CDH18: variants seen among roughly 807,000 people sequenced by gnomAD.
CDH18 encodes the protein cadherin-18.
Under a neutral mutation model 67.9 loss-of-function variants are expected in CDH18, and 31 were observed. The observed-to-expected ratio is 0.46, with a 90% CI of 0.34 to 0.62. The LOEUF (loss-of-function observed/expected upper bound fraction) is 0.62. Among genes scored for constraint, CDH18 ranks in the 20% least tolerant of loss-of-function variants. CDH18 has a pLI of 0.01. For missense variants in CDH18, 890 were observed against 975.5 expected (o/e 0.91, Z 1.17); for synonymous variants, 362 against 347.2 (o/e 1.04, Z -0.48).
intron 5 of CDH18, among the ~76,000 whole-genome samples, chr5:19,688,489 A>C (rs974546480): frequency 2.0e-5 from 3 of 152,180 alleles, no homozygotes; most frequent in Non-Finnish European, 2.9e-5. Context: ...ACCCATAATC[A>C]AATTTAAAGT....
chr5:19,885,055 T>C (rs1788055567), intron 2 of CDH18, among the ~76,000 whole-genome samples: 1 of 152,218 alleles, frequency 6.6e-6, no homozygotes, highest in African/African-American at 2.4e-5. Context: ...CATACATTTA[T>C]CCCACCTCCT....
intron 2 of CDH18, among the ~76,000 whole-genome samples, chr5:20,135,538 A>G (rs1749633110): frequency 6.6e-6 from 1 of 152,126 alleles, no homozygotes. Context: ...TTTCCAAAAA[A>G]CCAGCTCCTA....
intron 2 of CDH18, among the ~76,000 whole-genome samples, chr5:20,073,524 T>C (rs1233999949): frequency 6.6e-6 from 1 of 152,100 alleles, no homozygotes; most frequent in Non-Finnish European, 1.5e-5. Context: ...AGTAATGGGA[T>C]GTTTACTTAA....
chr5:19,812,839 T>C (rs181639811), intron 3 of CDH18, among the ~76,000 whole-genome samples: 81 of 152,174 alleles, frequency 5.3e-4, no homozygotes, highest in South Asian at 1.0e-3. Context: ...CACAAGTACA[T>C]GTATGTTTAT....
chr5:20,469,466 G>T (rs1751896595), intron 1 of CDH18, among the ~76,000 whole-genome samples: 1 of 152,072 alleles, frequency 6.6e-6, no homozygotes, highest in Admixed American at 6.6e-5. Flanking sequence ...TATATACTGT[G>T]CTGAAATGAA....
intron 1 of CDH18, among the ~76,000 whole-genome samples, chr5:20,325,679 C>A (rs545803443): frequency 1.3e-5 from 2 of 152,070 alleles, no homozygotes; most frequent in South Asian, 4.2e-4. Flanking sequence ...GAAATAAAAA[C>A]CACTTTCTGG....
intron 3 of CDH18, among the ~76,000 whole-genome samples, chr5:19,761,825 T>C (rs1772392139): frequency 6.6e-6 from 1 of 152,192 alleles, no homozygotes; most frequent in African/African-American, 2.4e-5. Context: ...GGCATCATAC[T>C]ACCTGACTTC....
Position 20,538,122 on chromosome 5 carries a change from G to A in CDH18, c.-580+37340C>T, listed in dbSNP as rs1313223326. Among the ~76,000 whole-genome samples the A allele has an allele frequency of 5.9e-5, 9 of 152,192 alleles. No individual in the cohort carries two copies. In the East Asian group the frequency reaches 9.7e-4, roughly 16 times the overall value. On this transcript the variant is annotated intron_variant, in intron 1 of 14. Coordinates refer to the CDH18 transcript ENST00000507958. ...AAGAGGGAAGTGCAGAGACACCGAA[G>A]AGACAAATGTCCCATTCTCCAAAAA...
chr5:19,982,091 T>TA (rs1257753213), intron 1 of CDH18, among the ~76,000 whole-genome samples: 2 of 152,214 alleles, frequency 1.3e-5, no homozygotes, highest in African/African-American at 2.4e-5. Flanking sequence ...ATTTTTGCTT[T>TA]AAAAAATTTC....
chr5:20,044,214 T>C (rs1740705625), intron 2 of CDH18, among the ~76,000 whole-genome samples: 1 of 152,130 alleles, frequency 6.6e-6, no homozygotes, highest in African/African-American at 2.4e-5. Flanking sequence ...CTATTAAATG[T>C]ACAAGTTAAT....
At chr5:19,569,531 A>G (rs555997661) in intron 8 of CDH18, among the ~76,000 whole-genome samples, 1 of 151,990 alleles carries the variant, frequency 6.6e-6, no homozygotes, top group Non-Finnish European at 1.5e-5. Flanking sequence ...TTCCAAGTCT[A>G]TTTCTTCCCT....
At chr5:19,564,331 T>C (rs1242258159) in intron 8 of CDH18, among the ~76,000 whole-genome samples, 1 of 152,152 alleles carries the variant, frequency 6.6e-6, no homozygotes, top group Non-Finnish European at 1.5e-5. Context: ...TTCCTTCCAC[T>C]TGAGTAGAAG....
In CDH18 at chr5:19,747,000, G is replaced by A. The variant is rs148634634; in HGVS notation, c.465C>T (p.Asn155=). The change falls in exon 4 of 13, where the codon AAC becomes AAT. Residue 155 remains asparagine (N), a synonymous_variant. Coordinates refer to ENST00000382275, the MANE Select transcript of CDH18 (RefSeq NM_004934.5). The stretch of plus-strand genomic sequence containing the variant: ...ATGGTCCATCTGTGAATTTTGGAGC[G>A]TTGTCATTGATGTCTTGCACTTTGA... ...FIIKVQDIND[N]APKFTDGPYI... is the part of the protein sequence containing the mutation. 4.2e-4 allele frequency: 678 copies of A among 1,614,046 alleles called. 4 individuals are homozygous for A. The African/African-American group carries it at 7.3e-3, about 17-fold the overall frequency.
intron 2 of CDH18, among the ~76,000 whole-genome samples, chr5:20,102,528 C>A (rs557205841): frequency 6.6e-6 from 1 of 152,242 alleles, no homozygotes; most frequent in East Asian, 1.9e-4. Flanking sequence ...AGAGTGTCTG[C>A]GAGTTAGAAC....
At chr5:20,241,851 C>CAAAAAA (rs1210062844) in intron 2 of CDH18, among the ~76,000 whole-genome samples, 3 of 127,028 alleles carry the variant, frequency 2.4e-5, no homozygotes, top group Admixed American at 8.1e-5. Flanking sequence ...GACCCTGTCG[C>CAAAAAA]AAAAAAAAAA....
intron 9 of CDH18, among the ~76,000 whole-genome samples, chr5:19,522,701 C>A (rs976745693): frequency 2.0e-5 from 3 of 151,948 alleles, no homozygotes; most frequent in Non-Finnish European, 2.9e-5. Context: ...TCGAGACCAG[C>A]CTGGCCAACA....
chr5:19,497,545 G>A (rs1742547952), intron 11 of CDH18, among the ~76,000 whole-genome samples: 1 of 152,128 alleles, frequency 6.6e-6, no homozygotes, highest in African/African-American at 2.4e-5. Context: ...ATTCAAGAGG[G>A]TTAGAACATA....
At chr5:20,336,929 T>C (rs1222741158) in intron 1 of CDH18, among the ~76,000 whole-genome samples, 1 of 151,994 alleles carries the variant, frequency 6.6e-6, no homozygotes, top group African/African-American at 2.4e-5. Context: ...CACTCATGGA[T>C]AATAACCAAG....
intron 5 of CDH18, among the ~76,000 whole-genome samples, chr5:19,696,950 A>G (rs73055641): frequency 0.096 from 14,582 of 152,198 alleles, 1,318 homozygotes; most frequent in East Asian, 0.25. Context: ...CTGCAATATA[A>G]CCATTTGTTT....
Sources: allele counts gnomAD v4.1 joint callset (sites outside exome capture counted in the v4.1 genomes callset), GRCh38; gene constraint gnomAD v4.1.1; transcripts MANE v1.5; gene names NCBI Gene and HGNC (gene_info 2026-07-23, HGNC 2026-07-21).